Variants in SHISA9 observed in about 807,000 individuals in gnomAD.
The protein encoded by SHISA9 is shisa family member 9.
In SHISA9, 13 loss-of-function variants were observed where a neutral mutation model predicts 38.0. The ratio of observed to expected loss-of-function variants is 0.34; its 90% CI spans 0.22 to 0.54. The LOEUF (loss-of-function observed/expected upper bound fraction) is 0.54. Among genes scored for constraint, SHISA9 ranks in the 20% least tolerant of loss-of-function variants. The probability of loss-of-function intolerance (pLI) is 0.91; values close to 1 mark genes in which losing one functional copy is unlikely to be tolerated. For missense variants in SHISA9, 538 were observed against 575.8 expected (o/e 0.93, Z 0.67); for synonymous variants, 275 against 242.0 (o/e 1.14, Z -1.27).
At chr16:13,297,226 AC>A in the SHISA9 span, among the ~76,000 whole-genome samples, 2 of 152,164 alleles carry the variant, frequency 1.3e-5, no homozygotes, top group Admixed American at 1.3e-4. Flanking sequence ...TATAAAGGCT[AC>A]CTTGATAAAT....
the SHISA9 span, among the ~76,000 whole-genome samples, chr16:13,525,411 C>A: frequency 6.6e-6 from 1 of 152,090 alleles, no homozygotes; most frequent in Non-Finnish European, 1.5e-5. Flanking sequence ...TGAATTTAAG[C>A]CCATAACAAA....
the SHISA9 span, among the ~76,000 whole-genome samples, chr16:13,524,662 A>C: frequency 1.3e-5 from 2 of 152,126 alleles, no homozygotes; most frequent in African/African-American, 4.8e-5. Context: ...GGGCTCAAGC[A>C]ATCCTCCTAC....
chr16:13,252,701 T>C, the SHISA9 span, among the ~76,000 whole-genome samples: 2 of 152,354 alleles, frequency 1.3e-5, no homozygotes, highest in East Asian at 3.9e-4. Flanking sequence ...ATAATTGATC[T>C]ACTTATGTTT....
At chr16:13,493,945 A>C in the SHISA9 span, among the ~76,000 whole-genome samples, 1 of 151,578 alleles carries the variant, frequency 6.6e-6, no homozygotes, top group South Asian at 2.1e-4. Context: ...GTTTACCCCA[A>C]GGGCCTTCAG....
intron 2 of SHISA9, among the ~76,000 whole-genome samples, chr16:12,961,028 G>A (rs376337956): frequency 6.6e-6 from 1 of 151,984 alleles, no homozygotes; most frequent in African/African-American, 2.4e-5. Context: ...TAACATGTGG[G>A]GGGGATGATG....
chr16:12,902,716 C>T (rs1488949937), intron 1 of SHISA9, 89 bp downstream of exon 1: 4 of 1,294,986 alleles, frequency 3.1e-6, no homozygotes, highest in Non-Finnish European at 3.1e-6. Context: ...GCGCTCCCCA[C>T]GGTCCCCGCT....
At chr16:12,919,671 C>T (rs2071302981) in intron 2 of SHISA9, among the ~76,000 whole-genome samples, 1 of 152,132 alleles carries the variant, frequency 6.6e-6, no homozygotes, top group Non-Finnish European at 1.5e-5. Flanking sequence ...GGAAAGAGAA[C>T]ATTTTTGTCA....
At chr16:13,211,319 AAAAAG>A (rs2051117561) in intron 3 of SHISA9, among the ~76,000 whole-genome samples, 1 of 152,104 alleles carries the variant, frequency 6.6e-6, no homozygotes, top group African/African-American at 2.4e-5. Context: ...AAAAGAAAAA[AAAAAG>A]AAAGTAAAAA....
chr16:13,496,956 G>A, the SHISA9 span, among the ~76,000 whole-genome samples: 1 of 152,152 alleles, frequency 6.6e-6, no homozygotes, highest in South Asian at 2.1e-4. Flanking sequence ...GTTAATTAAT[G>A]CGTTTAATTC....
the SHISA9 span, among the ~76,000 whole-genome samples, chr16:13,342,572 C>T: frequency 6.6e-6 from 1 of 152,204 alleles, no homozygotes; most frequent in African/African-American, 2.4e-5. Context: ...AGGGGTGAGC[C>T]TCCACATCCG....
At chr16:12,914,760 T>C (rs760852012) in intron 1 of SHISA9, among the ~76,000 whole-genome samples, 7 of 152,230 alleles carry the variant, frequency 4.6e-5, no homozygotes, top group Non-Finnish European at 1.0e-4. Flanking sequence ...TGTGTGGCCT[T>C]AGCACGGTCT....
chr16:13,308,299 A>G, the SHISA9 span, among the ~76,000 whole-genome samples: 1 of 152,058 alleles, frequency 6.6e-6, no homozygotes, highest in Admixed American at 6.6e-5. Flanking sequence ...ATGAGTGACA[A>G]TGTGGATGAA....
intron 2 of SHISA9, among the ~76,000 whole-genome samples, chr16:13,150,344 G>C (rs1235242567): frequency 1.3e-5 from 2 of 152,126 alleles, no homozygotes; most frequent in Non-Finnish European, 2.9e-5. Context: ...AGCCTTCCCT[G>C]ACACCCCCAG....
the SHISA9 span, among the ~76,000 whole-genome samples, chr16:13,309,547 G>A: frequency 6.6e-6 from 1 of 150,914 alleles, no homozygotes; most frequent in Non-Finnish European, 1.5e-5. Flanking sequence ...GGAGGCTGAG[G>A]CATGACGATC....
intron 2 of SHISA9, among the ~76,000 whole-genome samples, chr16:12,962,047 C>T (rs1057155318): frequency 2.0e-5 from 3 of 152,238 alleles, no homozygotes; most frequent in African/African-American, 7.2e-5. Flanking sequence ...TCTGGCATGG[C>T]TGGACTTACT....
rs544671359 is a variant in SHISA9, at chr16:13,004,467, T to C, written c.691+87652T>C. 6.6e-5 allele frequency among the ~76,000 whole-genome samples: 10 copies of C among 152,340 alleles called. No homozygotes were observed. The East Asian group carries it at 1.2e-3, about 18-fold the overall frequency. On this transcript the variant is annotated intron_variant, in intron 2 of 4. Coordinates refer to ENST00000558583, the MANE Select transcript of SHISA9 (RefSeq NM_001145204.3). Reference sequence around the variant, plus strand: ...AGGAGTTTTGATTTTATTCTAAAAGTGCTAGGAAGCCATTGGAAGGCTTTA... The same window carrying C: ...AGGAGTTTTGATTTTATTCTAAAAGCGCTAGGAAGCCATTGGAAGGCTTTA...
chr16:13,540,457 G>A, the SHISA9 span, among the ~76,000 whole-genome samples: 13,289 of 152,230 alleles, frequency 0.087, 764 homozygotes, highest in East Asian at 0.21. Flanking sequence ...GGATAGCTCC[G>A]AGGTTTAGGG....
intron 4 of SHISA9, among the ~76,000 whole-genome samples, chr16:13,222,722 T>C (rs2051239144): frequency 6.6e-6 from 1 of 152,098 alleles, no homozygotes. Context: ...GCACTATGCA[T>C]AATGTTCTGA....
rs964268067 is a variant in SHISA9 at position 13,061,467 on chromosome 16, A to G, written c.692-141927A>G. On this transcript the variant is annotated intron_variant, in intron 2 of 4. Coordinates refer to ENST00000558583, the MANE Select transcript of SHISA9 (RefSeq NM_001145204.3). ...ATCTAAGATTGTTACATATCAGCAA[A>G]ACATTTGAACTTGGCAGGTTTATGC... is the stretch of plus-strand genomic sequence containing the variant. Among the ~76,000 whole-genome samples, 3 of 152,184 alleles carry G rather than the reference A, an allele frequency of 2.0e-5. No homozygotes were observed. In the East Asian group the frequency reaches 5.8e-4, roughly 29 times the overall value.
Sources: allele counts gnomAD v4.1 joint callset (sites outside exome capture counted in the v4.1 genomes callset), GRCh38; gene constraint gnomAD v4.1.1; transcripts MANE v1.5; gene names NCBI Gene and HGNC (gene_info 2026-07-23, HGNC 2026-07-21).